The following SLC2A12 variants were observed in gnomAD, a reference collection of about 807,000 sequenced individuals.
SLC2A12 encodes solute carrier family 2 member 12.
SLC2A12 carries 23 observed loss-of-function variants against 41.8 expected under a neutral mutation model. That is an observed-to-expected ratio of 0.55 (90% CI 0.40 to 0.78). SLC2A12 has a LOEUF of 0.78. SLC2A12 is among the 30% of genes least tolerant of loss of function. The pLI is 0.00. For synonymous variants in SLC2A12, 295 were observed against 285.9 expected (o/e 1.03, Z -0.32); for missense variants, 654 against 745.6 (o/e 0.88, Z 1.43).
chr6:134,043,027 A>T (rs1777404471), intron 1 of SLC2A12, among the ~76,000 whole-genome samples: 1 of 152,002 alleles, frequency 6.6e-6, no homozygotes, highest in Non-Finnish European at 1.5e-5. Flanking sequence ...CACCCCAAAA[A>T]AGAAACTCCT....
rs1285244444 is a variant in SLC2A12 at position 134,032,432 on chromosome 6, A to T, written c.104-2711T>A. On this transcript the variant is annotated intron_variant, in intron 1 of 4. Coordinates refer to ENST00000275230, the MANE Select transcript of SLC2A12 (RefSeq NM_145176.3). ...TATATATATATATATATATTTATAT[A>T]TATATATATATATATAAATATATAT... Among the ~76,000 whole-genome samples, 50 of 37,228 alleles carry T rather than the reference A, an allele frequency of 1.3e-3. 1 individual carries two copies. Among genetic ancestry groups the T allele is most frequent in the African/African-American group, 5.7e-3 (48 of 8,410 alleles). 24.4% of individuals were successfully genotyped at this position (37,228 alleles called of 152,430 possible).
At chr6:134,000,118 C>T (rs1013501467) in intron 4 of SLC2A12, among the ~76,000 whole-genome samples, 5 of 152,116 alleles carry the variant, frequency 3.3e-5, no homozygotes, top group African/African-American at 1.2e-4. Flanking sequence ...AGGATATAGC[C>T]AGCCTTCCTC....
intron 1 of SLC2A12, among the ~76,000 whole-genome samples, chr6:134,037,662 C>T (rs1777323032): frequency 6.6e-6 from 1 of 152,070 alleles, no homozygotes; most frequent in Non-Finnish European, 1.5e-5. Flanking sequence ...GTTAGCTTTA[C>T]TCTCCCTTCT....
chr6:134,021,586 A>G (rs1448730808), intron 2 of SLC2A12, among the ~76,000 whole-genome samples: 2 of 152,222 alleles, frequency 1.3e-5, no homozygotes, highest in Admixed American at 6.5e-5. Flanking sequence ...TCTGATGTGC[A>G]CCTGTACTCT....
chr6:134,020,970 T>C (rs1777032657), intron 2 of SLC2A12, among the ~76,000 whole-genome samples: 1 of 152,236 alleles, frequency 6.6e-6, no homozygotes, highest in African/African-American at 2.4e-5. Flanking sequence ...TTAGATATTG[T>C]GTCCAAAATT....
At chr6:134,015,576 A>C (rs1776949396) in intron 2 of SLC2A12, among the ~76,000 whole-genome samples, 1 of 152,196 alleles carries the variant, frequency 6.6e-6, no homozygotes, top group Non-Finnish European at 1.5e-5. Context: ...ATCCCATAAG[A>C]ATGGTGGAAG....
At chr6:134,025,337 A>G (rs1249454208) in intron 2 of SLC2A12, among the ~76,000 whole-genome samples, 1 of 152,338 alleles carries the variant, frequency 6.6e-6, no homozygotes, top group East Asian at 1.9e-4. Flanking sequence ...GAGACTCAGT[A>G]TCTTCATTTG....
At position 134,012,882 on chromosome 6, in the gene SLC2A12, G is replaced by C. The variant is rs543969583; in HGVS notation, c.1445-5948C>G. On this transcript the variant is annotated intron_variant, in intron 2 of 4. Coordinates refer to ENST00000275230, the MANE Select transcript of SLC2A12 (RefSeq NM_145176.3). ...GCTACTCAGGAGGCATAGGCAGGAC[G>C]ATGGCTTGAACCCAGAAGTTTGAGG... 3.8e-4 allele frequency among the ~76,000 whole-genome samples: 58 copies of C among 152,144 alleles called. 2 individuals carry two copies.
At chr6:134,030,115 G>T (rs1439784736) in intron 1 of SLC2A12, among the ~76,000 whole-genome samples, 1 of 152,150 alleles carries the variant, frequency 6.6e-6, no homozygotes, top group East Asian at 1.9e-4. Context: ...TCCCATTCCA[G>T]TTCTCTAAAG....
At chr6:134,007,794 C>A (rs1012489865) in intron 2 of SLC2A12, among the ~76,000 whole-genome samples, 1 of 152,138 alleles carries the variant, frequency 6.6e-6, no homozygotes, top group African/African-American at 2.4e-5. Flanking sequence ...TCCTCACAAA[C>A]CCCTACAAGG....
intron 2 of SLC2A12, among the ~76,000 whole-genome samples, chr6:134,016,736 C>A (rs748035225): frequency 1.3e-5 from 2 of 152,148 alleles, no homozygotes; most frequent in Non-Finnish European, 2.9e-5. Flanking sequence ...TTATGGTTAT[C>A]AACAGTTTGA....
At chr6:134,041,901 A>G (rs1020989425) in intron 1 of SLC2A12, among the ~76,000 whole-genome samples, 2 of 152,170 alleles carry the variant, frequency 1.3e-5, no homozygotes, top group Non-Finnish European at 2.9e-5. Flanking sequence ...TGGCGTCTCC[A>G]GGAAGGGGAT....
chr6:134,026,808 C>T (rs1164516521), intron 2 of SLC2A12, among the ~76,000 whole-genome samples: 1 of 152,226 alleles, frequency 6.6e-6, no homozygotes, highest in East Asian at 1.9e-4. Flanking sequence ...ATGACCCAAT[C>T]TTGCCACAGC....
intron 4 of SLC2A12, 105 bp downstream of exon 4, chr6:134,001,892 A>G (rs1323510347): frequency 4.0e-6 from 5 of 1,239,968 alleles, no homozygotes; most frequent in Non-Finnish European, 5.5e-6. Flanking sequence ...GAATGTCCTA[A>G]TCTAATAATA....
In SLC2A12 at chr6:134,028,373, G is replaced by C. The variant is rs1382607951; in HGVS notation, c.1444+8C>G. ...CAAAAGCAATACATTAAAGAATAAA[G>C]TACTTACTTGGTCCTAGACCAATTG... On this transcript the variant is annotated splice_region_variant and intron_variant, in intron 2 of 4. Coordinates refer to ENST00000275230, the MANE Select transcript of SLC2A12 (RefSeq NM_145176.3). 1 of 1,594,860 alleles carries C rather than the reference G, an allele frequency of 6.3e-7. No homozygotes were observed. The highest frequency in any genetic ancestry group is 2.2e-5 in the East Asian group (1 of 44,702).
chr6:134,006,280 A>C (rs1207094211), intron 3 of SLC2A12, among the ~76,000 whole-genome samples: 1 of 151,748 alleles, frequency 6.6e-6, no homozygotes, highest in East Asian at 1.9e-4. Context: ...GAAATAAATC[A>C]TTTGTTTTTT....
chr6:134,012,601 T>TA (rs1419833641), intron 2 of SLC2A12, among the ~76,000 whole-genome samples: 1 of 152,240 alleles, frequency 6.6e-6, no homozygotes, highest in Non-Finnish European at 1.5e-5. Flanking sequence ...AGAATAGTTA[T>TA]ATTACTCTTT....
In SLC2A12 at chr6:134,001,813, A is replaced by G. The variant is rs148555165; in HGVS notation, c.1700+184T>C. Among the ~76,000 whole-genome samples the G allele has an allele frequency of 7.9e-5, 12 of 152,200 alleles. No individual in the cohort carries two copies. The East Asian group carries it at 2.3e-3, about 29-fold the overall frequency. On this transcript the variant is annotated intron_variant, in intron 4 of 4. Coordinates refer to ENST00000275230, the MANE Select transcript of SLC2A12 (RefSeq NM_145176.3). ...AGAAATGGTTATTCTTCCTTAGCTG[A>G]ATCACCCAAATTAAAGACAAAGCAG...
At chr6:134,026,975 G>C (rs1438817096) in intron 2 of SLC2A12, among the ~76,000 whole-genome samples, 1 of 152,194 alleles carries the variant, frequency 6.6e-6, no homozygotes, top group Non-Finnish European at 1.5e-5. Context: ...GAAAAATGAG[G>C]AGGTGGAGTT....
Sources: allele counts gnomAD v4.1 joint callset (sites outside exome capture counted in the v4.1 genomes callset), GRCh38; gene constraint gnomAD v4.1.1; transcripts MANE v1.5; gene names NCBI Gene and HGNC (gene_info 2026-07-23, HGNC 2026-07-21).